The following SMIM21 variants were observed in gnomAD, a reference collection of about 807,000 sequenced individuals.
SMIM21 encodes small integral membrane protein 21.
A neutral mutation model predicts 8.6 loss-of-function variants in SMIM21; 8 were observed. That is an observed-to-expected ratio of 0.93 (90% CI 0.55 to 1.68). SMIM21 has a LOEUF of 1.68. Among genes scored for constraint, SMIM21 ranks in the 40% most tolerant of loss-of-function variants. SMIM21 has a pLI of 0.00. For synonymous variants in SMIM21, 43 were observed against 41.7 expected, an observed-to-expected ratio of 1.03 and a Z score of -0.12; for missense variants, 132 against 123.0, an observed-to-expected ratio of 1.07 and a Z score of -0.35.
intron 1 of SMIM21, among the ~76,000 whole-genome samples, chr18:75,420,500 A>C (rs962864314): frequency 6.6e-6 from 1 of 152,128 alleles, no homozygotes; most frequent in African/African-American, 2.4e-5. Flanking sequence ...GACAGTAAGG[A>C]TTTTTAAATA....
Position 75,422,220 on chromosome 18 carries a change from C to G in SMIM21, c.130-3304G>C, listed in dbSNP as rs114872277. On this transcript the variant is annotated intron_variant, in intron 1 of 2. Coordinates refer to ENST00000579022, the MANE Select transcript of SMIM21 (RefSeq NM_001037331.3). ...CGACCCCTTATTCCTGAGACAGGGG[C>G]GCACCATGGAGAGGGATATGGGGAA... 1.1e-4 allele frequency among the ~76,000 whole-genome samples: 17 copies of G among 152,060 alleles called. 1 individual carries two copies. Among genetic ancestry groups the G allele is most frequent in the Non-Finnish European group, 2.4e-4 (16 of 68,012 alleles).
chr18:75,414,605 C>A (rs1392993703), intron 2 of SMIM21, among the ~76,000 whole-genome samples: 1 of 152,174 alleles, frequency 6.6e-6, no homozygotes, highest in Non-Finnish European at 1.5e-5. Context: ...TATTCAGTTG[C>A]CTTCGCTGTG....
chr18:75,414,733 G>A (rs576169958), intron 2 of SMIM21, among the ~76,000 whole-genome samples: 6 of 152,142 alleles, frequency 3.9e-5, no homozygotes, highest in African/African-American at 7.2e-5. Flanking sequence ...AGAATAAGAG[G>A]ATCCGGGAGA....
intron 1 of SMIM21, among the ~76,000 whole-genome samples, chr18:75,425,574 TAA>T (rs2024752941): frequency 3.9e-5 from 6 of 152,346 alleles, no homozygotes; most frequent in Admixed American, 3.9e-4. Context: ...GATTTATTAT[TAA>T]GTGTTGTTTT....
At chr18:75,416,042 T>C (rs1053756601) in intron 2 of SMIM21, 1 of 152,248 alleles carries the variant, frequency 6.6e-6, no homozygotes, top group Non-Finnish European at 1.5e-5. Context: ...TTTATTTTAT[T>C]TTTTGTTAGA....
intron 1 of SMIM21, among the ~76,000 whole-genome samples, chr18:75,421,252 A>C (rs1224128796): frequency 2.0e-5 from 3 of 152,234 alleles, no homozygotes; most frequent in Non-Finnish European, 4.4e-5. Context: ...AATGCTTCCT[A>C]CAGCATTCTG....
chr18:75,418,795 A>G lies in SMIM21; in HGVS notation c.251T>C (p.Ile84Thr). The change falls in exon 2 of 3, where the codon ATA becomes ACA. Residue 84 changes from isoleucine to threonine, a missense_variant. Transcript: ENST00000579022. ...GTTATCGTTTACCTACTTTCGAAAT[A>G]TGCTGTTGGCCCTTTTCCAGTCTTC... ...VSEDWKRANS[I>T]FRNFLRLKSS... 1.2e-6 allele frequency: 2 copies of G among 1,605,844 alleles called. No homozygotes were observed. Among genetic ancestry groups the G allele is most frequent in the Non-Finnish European group, 1.7e-6 (2 of 1,176,360 alleles).
At position 75,418,814 on chromosome 18, in the gene SMIM21, A is replaced by G. The variant is rs760319564; in HGVS notation, c.232T>C (p.Trp78Arg). The change falls in exon 2 of 3, where the codon TGG becomes CGG. Residue 78 changes from tryptophan to arginine, a missense_variant. Transcript: ENST00000579022. ...CGAAATATGCTGTTGGCCCTTTTCC[A>G]GTCTTCAGAAACCCCTTGTATCCTG... ...HSRIQGVSED[W>R]KRANSIFRNF... The G allele has an allele frequency of 3.1e-6, 5 of 1,611,830 alleles. No individual in the cohort carries two copies. In the African/African-American group the frequency reaches 6.7e-5, roughly 22 times the overall value.
chr18:75,410,912 G>T lies in SMIM21; in HGVS notation c.261-3C>A. 6.2e-7 allele frequency: 1 copy of T among 1,613,964 alleles called. No homozygotes were observed. Among genetic ancestry groups the T allele is most frequent in the Non-Finnish European group, 8.5e-7 (1 of 1,179,948 alleles). On this transcript the variant is annotated splice_region_variant and splice_polypyrimidine_tract_variant and intron_variant, in intron 2 of 2. Coordinates refer to ENST00000579022, the MANE Select transcript of SMIM21 (RefSeq NM_001037331.3). ...TGGATGACTTCAAACGTAGAAAGCT[G>T]CAAGAGACAAAAGGGGGAAAAAGCA... is the stretch of plus-strand genomic sequence containing the variant.
At chr18:75,414,140 C>CACAT (rs1555675400) in intron 2 of SMIM21, among the ~76,000 whole-genome samples, 1 of 150,878 alleles carries the variant, frequency 6.6e-6, no homozygotes, top group Non-Finnish European at 1.5e-5. Context: ...CACACACACA[C>CACAT]AGTCATTATC....
At chr18:75,420,909 A>G (rs1385100201) in intron 1 of SMIM21, among the ~76,000 whole-genome samples, 2 of 152,168 alleles carry the variant, frequency 1.3e-5, no homozygotes, top group Non-Finnish European at 2.9e-5. Flanking sequence ...CACAAATGCC[A>G]CCACTGCCAG....
chr18:75,426,118 A>G lies in SMIM21; in HGVS notation c.129+1317T>C, dbSNP rs113232594. On this transcript the variant is annotated intron_variant, in intron 1 of 2. Coordinates refer to ENST00000579022, the MANE Select transcript of SMIM21 (RefSeq NM_001037331.3). ...CTAGTATTAATTCATAACCATCATC[A>G]TGTACCTAAGATTCTACCTACCTGG... is the stretch of plus-strand genomic sequence containing the variant. 4.5e-4 allele frequency among the ~76,000 whole-genome samples: 69 copies of G among 152,238 alleles called. 2 individuals are homozygous for G. The highest frequency in any genetic ancestry group is 1.6e-3 in the African/African-American group (68 of 41,540).
intron 1 of SMIM21, among the ~76,000 whole-genome samples, chr18:75,421,957 C>T (rs2144557293): frequency 6.6e-6 from 1 of 152,194 alleles, no homozygotes; most frequent in South Asian, 2.1e-4. Flanking sequence ...TCCCTGAAAA[C>T]ACCTCAGGGA....
At chr18:75,422,947 G>A (rs2024725043) in intron 1 of SMIM21, among the ~76,000 whole-genome samples, 1 of 152,166 alleles carries the variant, frequency 6.6e-6, no homozygotes, top group African/African-American at 2.4e-5. Flanking sequence ...ACATTTTATA[G>A]TAAGTAAATT....
Position 75,415,717 on chromosome 18 carries a change from A to G in SMIM21, c.260+3069T>C, listed in dbSNP as rs1007797482. Among the ~76,000 whole-genome samples the G allele has an allele frequency of 3.3e-5, 5 of 152,210 alleles. No homozygotes were observed. In the South Asian group the frequency reaches 6.2e-4, roughly 19 times the overall value. ...CCATCAATCATCTGCTTATTCATCT[A>G]TAGTATCTATCATTTGTCTACAACT... On this transcript the variant is annotated intron_variant, in intron 2 of 2. Coordinates refer to ENST00000579022, the MANE Select transcript of SMIM21 (RefSeq NM_001037331.3).
intron 1 of SMIM21, among the ~76,000 whole-genome samples, chr18:75,426,616 A>G (rs1489544694): frequency 7.8e-6 from 1 of 128,090 alleles, no homozygotes; most frequent in Non-Finnish European, 1.6e-5. Context: ...GCCCTAGACC[A>G]TTACTTTTAA....
At chr18:75,419,500 C>G (rs1313440181) in intron 1 of SMIM21, among the ~76,000 whole-genome samples, 1 of 152,098 alleles carries the variant, frequency 6.6e-6, no homozygotes, top group African/African-American at 2.4e-5. Context: ...ATTTCACAGT[C>G]TTTTAAGAAA....
Position 75,427,632 on chromosome 18 carries a change from T to C in SMIM21, c.-69A>G. 5 of 1,470,152 alleles carry C rather than the reference T, an allele frequency of 3.4e-6. No homozygotes were observed. The highest frequency in any genetic ancestry group is 4.5e-6 in the Non-Finnish European group (5 of 1,107,058). The allele number at this position is 1,470,152 out of a possible 1,614,324, so 91.1% of individuals were successfully genotyped here. On this transcript the variant is annotated 5_prime_UTR_variant, in exon 1 of 3. Transcript: ENST00000579022. ...AGCGACTCTGAGGACACAGAGCTGGTGCTATAAGACCTGGTAACTAAGTTC... is the reference window on the plus strand; with the variant it reads ...AGCGACTCTGAGGACACAGAGCTGGCGCTATAAGACCTGGTAACTAAGTTC...
chr18:75,410,569 C>A lies in SMIM21; in HGVS notation c.*295G>T. 1 of 493,876 alleles carries A rather than the reference C, an allele frequency of 2.0e-6. No homozygotes were observed. Among genetic ancestry groups the A allele is most frequent in the Non-Finnish European group, 3.3e-6 (1 of 300,640 alleles). The allele number at this position is 493,876 out of a possible 1,614,324, so 30.6% of individuals were successfully genotyped here. On this transcript the variant is annotated 3_prime_UTR_variant, in exon 3 of 3. Transcript: ENST00000579022. ...GGCTTGATGTCCTAATGAAGAAGTTCTTTGCACTGCTGGATCTGTTTCGAC... is the reference window on the plus strand; with the variant it reads ...GGCTTGATGTCCTAATGAAGAAGTTATTTGCACTGCTGGATCTGTTTCGAC...
Sources: allele counts gnomAD v4.1 joint callset (sites outside exome capture counted in the v4.1 genomes callset), GRCh38; gene constraint gnomAD v4.1.1; transcripts MANE v1.5; gene names NCBI Gene and HGNC (gene_info 2026-07-23, HGNC 2026-07-21).